Variants in RBFOX1 observed in about 807,000 individuals in gnomAD.
RBFOX1 encodes RNA binding protein fox-1 homolog 1.
A neutral mutation model predicts 57.7 loss-of-function variants in RBFOX1; 8 were observed. The ratio of observed to expected loss-of-function variants is 0.14; its 90% confidence interval spans 0.08 to 0.25. The LOEUF (loss-of-function observed/expected upper bound fraction) is 0.25. Ranked by LOEUF, RBFOX1 falls within the 10% of genes least tolerant of loss-of-function variation. The probability of loss-of-function intolerance (pLI) is 1.00; values close to 1 mark genes in which losing one functional copy is unlikely to be tolerated. For synonymous variants in RBFOX1, 326 were observed against 222.4 expected (o/e 1.47, Z -4.15); for missense variants, 611 against 548.5 (o/e 1.11, Z -1.14).
At chr16:7,412,724 T>G (rs1008085096) in intron 4 of RBFOX1, among the ~76,000 whole-genome samples, 2 of 152,216 alleles carry the variant, frequency 1.3e-5, no homozygotes, top group Non-Finnish European at 2.9e-5. Flanking sequence ...CTTTTTTAAA[T>G]TCAGATTTTC....
intron 2 of RBFOX1, among the ~76,000 whole-genome samples, chr16:6,491,178 C>G (rs1041207818): frequency 6.6e-6 from 1 of 150,874 alleles, no homozygotes; most frequent in African/African-American, 2.4e-5. Context: ...AGTCTATAGT[C>G]TATTTATATG....
At chr16:6,071,313 C>T (rs1201076935) in intron 1 of RBFOX1, among the ~76,000 whole-genome samples, 1 of 152,158 alleles carries the variant, frequency 6.6e-6, no homozygotes, top group Admixed American at 6.5e-5. Flanking sequence ...AGAGTGAGAC[C>T]CTGTCTCCAA....
At chr16:7,638,565 G>C (rs1377426829) in intron 11 of RBFOX1, among the ~76,000 whole-genome samples, 2 of 152,144 alleles carry the variant, frequency 1.3e-5, no homozygotes, top group East Asian at 3.9e-4. Flanking sequence ...GTTTGGAGAG[G>C]CAGTTTTCCC....
At chr16:7,210,220 G>A (rs2090854464) in intron 4 of RBFOX1, among the ~76,000 whole-genome samples, 1 of 152,164 alleles carries the variant, frequency 6.6e-6, no homozygotes. Flanking sequence ...ACTTCTATAG[G>A]TTAAGAGATT....
intron 3 of RBFOX1, among the ~76,000 whole-genome samples, chr16:5,650,785 CT>C (rs1034052814): frequency 6.6e-6 from 1 of 152,066 alleles, no homozygotes; most frequent in African/African-American, 2.4e-5. Flanking sequence ...CAGTTTGGGT[CT>C]TGTTAACAGA....
At chr16:7,558,174 C>G (rs181419823) in intron 5 of RBFOX1, among the ~76,000 whole-genome samples, 32 of 151,938 alleles carry the variant, frequency 2.1e-4, no homozygotes, top group Non-Finnish European at 3.4e-4. Flanking sequence ...GGAAACATGG[C>G]AAAACTCCAT....
chr16:6,341,257 A>G (rs1251098314), intron 2 of RBFOX1, among the ~76,000 whole-genome samples: 5 of 152,106 alleles, frequency 3.3e-5, no homozygotes, highest in Non-Finnish European at 7.3e-5. Context: ...GGCTGCCTAC[A>G]TTCCTTGGCT....
chr16:7,292,449 GTAATGTATTATATATAATATA>G lies in RBFOX1; in HGVS notation c.28-225683_28-225663del, dbSNP rs1042308860. Among the ~76,000 whole-genome samples the G allele has an allele frequency of 3.5e-4, 47 of 133,308 alleles. No homozygotes were observed. In the East Asian group the frequency reaches 9.4e-3, roughly 27 times the overall value. The allele number at this position is 133,308 out of a possible 152,430, so 87.5% of individuals were successfully genotyped here. A position where few individuals can be genotyped will look rare whatever the true frequency, so the allele number is the denominator to read the frequency against. ...AGGTATTATATATAATATATAATATGTAATGTATTATATATAATATATAATGTATTATATAATATGTATTAT... is the reference window on the plus strand; with the variant it reads ...AGGTATTATATATAATATATAATATGTAATGTATTATATAATATGTATTAT... On this transcript the variant is annotated intron_variant, in intron 4 of 15. Transcript: ENST00000550418.
At chr16:7,499,057 A>G (rs1424335380) in intron 4 of RBFOX1, among the ~76,000 whole-genome samples, 1 of 152,188 alleles carries the variant, frequency 6.6e-6, no homozygotes, top group Non-Finnish European at 1.5e-5. Context: ...TAGATGTATT[A>G]ATTTCCCAGG....
intron 2 of RBFOX1, among the ~76,000 whole-genome samples, chr16:6,426,980 A>G (rs2093947420): frequency 2.0e-5 from 3 of 152,124 alleles, no homozygotes; most frequent in Admixed American, 2.0e-4. Flanking sequence ...ATCTCGCTGT[A>G]TAATTGAGTT....
chr16:6,881,054 G>C (rs1603635967), intron 3 of RBFOX1, among the ~76,000 whole-genome samples: 2 of 152,302 alleles, frequency 1.3e-5, no homozygotes, highest in Admixed American at 1.3e-4. Context: ...GCCTGTGGCA[G>C]ACATTGCTAA....
At chr16:6,962,825 A>G (rs2083304368) in intron 3 of RBFOX1, among the ~76,000 whole-genome samples, 1 of 150,892 alleles carries the variant, frequency 6.6e-6, no homozygotes, top group Non-Finnish European at 1.5e-5. Flanking sequence ...TGATCATGCC[A>G]CTGCACTCCA....
intron 3 of RBFOX1, among the ~76,000 whole-genome samples, chr16:6,732,806 G>C (rs1034031347): frequency 6.6e-5 from 10 of 152,270 alleles, no homozygotes; most frequent in African/African-American, 2.4e-4. Context: ...ATAATGAGGT[G>C]GAGTTTTTTT....
chr16:7,301,049 G>C (rs1380795402), intron 4 of RBFOX1, among the ~76,000 whole-genome samples: 1 of 74,592 alleles, frequency 1.3e-5, no homozygotes, highest in Non-Finnish European at 3.5e-5. Context: ...AGAGCTAGTG[G>C]CCTTGATATG....
intron 2 of RBFOX1, among the ~76,000 whole-genome samples, chr16:6,528,239 CA>C (rs1177322718): frequency 3.9e-5 from 6 of 152,274 alleles, no homozygotes; most frequent in African/African-American, 1.2e-4. Context: ...ATGCCAATCC[CA>C]TGGAAATACC....
intron 1 of RBFOX1, among the ~76,000 whole-genome samples, chr16:6,292,801 A>G (rs1316222091): frequency 6.6e-6 from 1 of 152,232 alleles, no homozygotes; most frequent in Admixed American, 6.5e-5. Flanking sequence ...CCTGAAATAA[A>G]TAGTTAACTG....
intron 2 of RBFOX1, among the ~76,000 whole-genome samples, chr16:6,439,915 A>G (rs1311300420): frequency 7.1e-6 from 1 of 140,408 alleles, no homozygotes; most frequent in Non-Finnish European, 1.5e-5. Flanking sequence ...ATGCAAAAAC[A>G]ATACTCAGAA....
At chr16:6,623,863 G>C (rs575151948) in intron 2 of RBFOX1, among the ~76,000 whole-genome samples, 6 of 152,144 alleles carry the variant, frequency 3.9e-5, no homozygotes, top group Non-Finnish European at 8.8e-5. Flanking sequence ...ATTTGGGTTG[G>C]TTCCAAGTCT....
chr16:6,311,689 C>T (rs138289016), intron 1 of RBFOX1, among the ~76,000 whole-genome samples: 2 of 152,312 alleles, frequency 1.3e-5, no homozygotes, highest in African/African-American at 2.4e-5. Flanking sequence ...GCATGGCAGA[C>T]TGAGGCCCAT....
Sources: allele counts gnomAD v4.1 joint callset (sites outside exome capture counted in the v4.1 genomes callset), GRCh38; gene constraint gnomAD v4.1.1; transcripts MANE v1.5; gene names NCBI Gene and HGNC (gene_info 2026-07-23, HGNC 2026-07-21).